Variants in GPR26 observed in about 807,000 individuals in gnomAD.
GPR26 encodes the protein G protein-coupled receptor 26.
A neutral mutation model predicts 23.1 loss-of-function variants in GPR26; 15 were observed. The ratio of observed to expected loss-of-function variants is 0.65; its 90% CI spans 0.43 to 1.00. GPR26 has a LOEUF of 1.00. GPR26 is among the 50% of genes least tolerant of loss of function. GPR26 has a pLI of 0.00. For synonymous variants in GPR26, 228 were observed against 222.1 expected (o/e 1.03, Z -0.24); for missense variants, 359 against 470.5 (o/e 0.76, Z 2.19).
In GPR26 at chr10:123,693,119, C is replaced by G. The variant is rs1162972192; in HGVS notation, c.*4959C>G. ...ATACCCACCAGCTGGGCGTTGGGAC[C>G]TCTCCCGTCATATGGCTGCCACTTG... On this transcript the variant is annotated 3_prime_UTR_variant, in exon 3 of 3. Transcript: ENST00000284674. 1 of 152,210 alleles carries G rather than the reference C, an allele frequency of 6.6e-6. No individual in the cohort carries two copies. The highest frequency in any genetic ancestry group is 1.9e-4 in the East Asian group (1 of 5,188). The allele number at this position is 152,210 out of a possible 1,614,324, so 9.4% of individuals were successfully genotyped here.
At position 123,697,142 on chromosome 10, in the gene GPR26, T is replaced by G. The variant is rs750585611; in HGVS notation, c.*8982T>G. On this transcript the variant is annotated 3_prime_UTR_variant, in exon 3 of 3. Transcript: ENST00000284674. ...CTATTAAACATAAGTATGGCTCCAT[T>G]TTTTTAGTATTACCAGAAGCCCTCC... Among the ~76,000 whole-genome samples, 1 of 152,208 alleles carries G rather than the reference T, an allele frequency of 6.6e-6. No individual in the cohort carries two copies. Among genetic ancestry groups the G allele is most frequent in the African/African-American group, 2.4e-5 (1 of 41,448 alleles).
rs149286635 is a variant in GPR26, at chr10:123,680,218, G to A, written c.782+5287G>A. ...GAGATGGGAGACTCCTGGCCTAGAT[G>A]GGATTAATGGGGACCAGGAGGCAGC... On this transcript the variant is annotated intron_variant, in intron 2 of 2. Coordinates refer to ENST00000284674, the MANE Select transcript of GPR26 (RefSeq NM_153442.4). 9.8e-3 allele frequency among the ~76,000 whole-genome samples: 1,495 copies of A among 152,322 alleles called. 26 individuals are homozygous for A. Among genetic ancestry groups the A allele is most frequent in the African/African-American group, 0.034 (1,425 of 41,556 alleles).
intron 1 of GPR26, among the ~76,000 whole-genome samples, chr10:123,668,681 G>A (rs531357530): frequency 3.3e-5 from 5 of 152,332 alleles, no homozygotes; most frequent in Non-Finnish European, 7.4e-5. Flanking sequence ...GAGCTGAGAG[G>A]CTCTTCCTTA....
chr10:123,674,816 A>G lies in GPR26; in HGVS notation c.669-2A>G. 1 of 1,606,916 alleles carries G rather than the reference A, an allele frequency of 6.2e-7. No individual in the cohort carries two copies. Among genetic ancestry groups the G allele is most frequent in the Non-Finnish European group, 8.5e-7 (1 of 1,174,016 alleles). On this transcript the variant is annotated splice_acceptor_variant, in intron 1 of 2. Coordinates refer to ENST00000284674, the MANE Select transcript of GPR26 (RefSeq NM_153442.4). LOFTEE classifies it high-confidence loss of function. The surrounding 1 kb of genome is among the most constrained non-coding windows in gnomAD (Gnocchi z 4.1). ...TCACCTTCTCTCCTCTCTCACATGC[A>G]GTGTGCGGGAACGCTGTCTGGAGGA... is the stretch of plus-strand genomic sequence containing the variant.
intron 1 of GPR26, among the ~76,000 whole-genome samples, chr10:123,673,583 C>A (rs1589924597): frequency 6.6e-6 from 1 of 152,196 alleles, no homozygotes; most frequent in Admixed American, 6.5e-5. Context: ...TTGATTCCAT[C>A]CTCAAAGCTA....
At position 123,680,508 on chromosome 10, in the gene GPR26, G is replaced by C. The variant is rs116683415; in HGVS notation, c.782+5577G>C. On this transcript the variant is annotated intron_variant, in intron 2 of 2. Coordinates refer to ENST00000284674, the MANE Select transcript of GPR26 (RefSeq NM_153442.4). ...ACCAGGCAGCCTGAGCCCATCTGCA[G>C]ATGCCACTGGGCAGCTCCAGGGCCC... 2.0e-3 allele frequency among the ~76,000 whole-genome samples: 298 copies of C among 152,340 alleles called. 1 individual carries two copies. Among genetic ancestry groups the C allele is most frequent in the African/African-American group, 6.5e-3 (272 of 41,576 alleles).
rs1845519027 is a variant in GPR26 at position 123,694,227 on chromosome 10, G to C, written c.*6067G>C. On this transcript the variant is annotated 3_prime_UTR_variant, in exon 3 of 3. Transcript: ENST00000284674. ...GGTTCTGGAAGGCTTCTCAGAGGTA[G>C]TGGCATTGGGCCAGAACTTACAGTA... 2 of 153,154 alleles carry C rather than the reference G, an allele frequency of 1.3e-5. No individual in the cohort carries two copies. The highest frequency in any genetic ancestry group is 1.3e-4 in the Admixed American group (2 of 15,286). 9.5% of individuals were successfully genotyped at this position (153,154 alleles called of 1,614,324 possible). A position where few individuals can be genotyped will look rare whatever the true frequency, so the allele number is the denominator to read the frequency against.
At chr10:123,681,575 G>C (rs1845378588) in intron 2 of GPR26, among the ~76,000 whole-genome samples, 2 of 152,192 alleles carry the variant, frequency 1.3e-5, no homozygotes, top group African/African-American at 2.4e-5. Context: ...AGCTGGGAAT[G>C]CTGGGAGCTG....
chr10:123,669,380 A>G, intron 1 of GPR26, among the ~76,000 whole-genome samples: 1 of 152,212 alleles, frequency 6.6e-6, no homozygotes, highest in East Asian at 1.9e-4. Context: ...ACCAGCTTCT[A>G]TCTTGACAGC....
chr10:123,680,557 T>C (rs1047958818), intron 2 of GPR26, among the ~76,000 whole-genome samples: 3 of 152,306 alleles, frequency 2.0e-5, no homozygotes, highest in Non-Finnish European at 4.4e-5. Flanking sequence ...ATGTCTCCCT[T>C]GCATGCAGCA....
At chr10:123,675,008 T>C in intron 2 of GPR26, 77 bp downstream of exon 2, 1 of 855,550 alleles carries the variant, frequency 1.2e-6, no homozygotes, top group South Asian at 1.4e-5. Flanking sequence ...AGTGGCAGCC[T>C]CTCTTGGCCA....
At chr10:123,667,101 G>T in intron 1 of GPR26, 26 bp downstream of exon 1, 1 of 1,521,914 alleles carries the variant, frequency 6.6e-7, no homozygotes, top group Non-Finnish European at 8.9e-7. Context: ...CTAAGGCTCT[G>T]GGAACAGCCG....
In GPR26 at chr10:123,694,609, G is replaced by A; in HGVS notation, c.*6449G>A. The A allele has an allele frequency of 6.7e-6, 1 of 149,306 alleles. No homozygotes were observed. Among genetic ancestry groups the A allele is most frequent in the Non-Finnish European group, 1.5e-5 (1 of 67,448 alleles). 9.2% of individuals were successfully genotyped at this position (149,306 alleles called of 1,614,324 possible). On this transcript the variant is annotated 3_prime_UTR_variant, in exon 3 of 3. Transcript: ENST00000284674. ...AATGGCAAAGGAAGGAAGAAGGAGA[G>A]AAGGAAGGAAAAACAAAGGAAGGAG...
In GPR26 at chr10:123,696,263, A is replaced by G. The variant is rs1366131686; in HGVS notation, c.*8103A>G. ...GAGGCTTTACTCTGCCCAGTGTCCA[A>G]TGGGAGAACCATCCCTTCCCTTTAG... On this transcript the variant is annotated 3_prime_UTR_variant, in exon 3 of 3. Transcript: ENST00000284674. Among the ~76,000 whole-genome samples the G allele has an allele frequency of 6.6e-6, 1 of 152,188 alleles. No individual in the cohort carries two copies. Among genetic ancestry groups the G allele is most frequent in the Non-Finnish European group, 1.5e-5 (1 of 68,030 alleles).
At chr10:123,676,026 G>T (rs1845306634) in intron 2 of GPR26, among the ~76,000 whole-genome samples, 1 of 152,152 alleles carries the variant, frequency 6.6e-6, no homozygotes, top group African/African-American at 2.4e-5. Flanking sequence ...CCTCCCATTT[G>T]TCCTTACACT....
intron 2 of GPR26, 39 bp from the exon 3 acceptor site, chr10:123,687,890 A>G: frequency 1.4e-6 from 2 of 1,410,286 alleles, no homozygotes; most frequent in Non-Finnish European, 1.0e-6. Context: ...AGCGGTGCTT[A>G]GCTATGTCCT....
intron 1 of GPR26, among the ~76,000 whole-genome samples, chr10:123,673,519 T>C (rs1845273618): frequency 6.6e-6 from 1 of 152,180 alleles, no homozygotes; most frequent in African/African-American, 2.4e-5. Flanking sequence ...TCTGGAAAGG[T>C]CCCACAGCAG....
In GPR26 at chr10:123,667,881, G is replaced by A. The variant is rs148616494; in HGVS notation, c.668+806G>A. ...TCGCAGGAGCCTGTCAGGGAGAGAA[G>A]GAGGGAACTCTTAGCTGCGCTGTCC... On this transcript the variant is annotated intron_variant, in intron 1 of 2. Transcript: ENST00000284674. Among the ~76,000 whole-genome samples the A allele has an allele frequency of 2.6e-5, 4 of 152,314 alleles. No homozygotes were observed. The East Asian group carries it at 7.7e-4, about 29-fold the overall frequency.
rs76624732 is a variant in GPR26, at chr10:123,691,640, T to C, written c.*3480T>C. 0.027 allele frequency: 4,177 copies of C among 152,286 alleles called. 76 individuals are homozygous for C. The highest frequency in any genetic ancestry group is 0.045 in the Non-Finnish European group (3,048 of 68,014). 9.4% of individuals were successfully genotyped at this position (152,286 alleles called of 1,614,324 possible). A position where few individuals can be genotyped will look rare whatever the true frequency, so the allele number is the denominator to read the frequency against. On this transcript the variant is annotated 3_prime_UTR_variant, in exon 3 of 3. Transcript: ENST00000284674. ...TATTATATCAGGTGCCAGGAATCCC[T>C]TGGGTCAGCTCCTATCCTCTGGACG...
Sources: allele counts gnomAD v4.1 joint callset (sites outside exome capture counted in the v4.1 genomes callset), GRCh38; gene constraint gnomAD v4.1.1; non-coding constraint Gnocchi (gnomAD v3.1); transcripts MANE v1.5; gene names NCBI Gene and HGNC (gene_info 2026-07-23, HGNC 2026-07-21).